IQSEC1: variants seen among roughly 807,000 people sequenced by gnomAD.
IQSEC1 encodes the protein IQ motif and Sec7 domain ArfGEF 1, also known as IQ motif and SEC7 domain-containing protein 1.
In IQSEC1, 31 loss-of-function variants were observed where a neutral mutation model predicts 91.0. That is an observed-to-expected ratio of 0.34 (90% CI 0.26 to 0.46). IQSEC1 has a LOEUF of 0.46. IQSEC1 is among the 20% of genes least tolerant of loss of function. IQSEC1 has a pLI of 1.00. For synonymous variants in IQSEC1, 699 were observed against 662.6 expected (o/e 1.05, Z -0.84); for missense variants, 1,388 against 1,575.6 (o/e 0.88, Z 2.02).
chr3:13,197,666 C>T (rs2125043946), intron 1 of IQSEC1, among the ~76,000 whole-genome samples: 1 of 152,336 alleles, frequency 6.6e-6, no homozygotes, highest in Admixed American at 6.5e-5. Context: ...AGCATCCCAC[C>T]TTACGACCAG....
At chr3:13,279,489 T>C (rs1233302216) in intron 1 of IQSEC1, among the ~76,000 whole-genome samples, 3 of 152,148 alleles carry the variant, frequency 2.0e-5, no homozygotes, top group Admixed American at 2.0e-4. Context: ...GGCTTAAAGG[T>C]TTCTGGACTT....
chr3:13,131,037 AAAGGAAGG>A (rs59204175), intron 2 of IQSEC1, among the ~76,000 whole-genome samples: 36 of 143,792 alleles, frequency 2.5e-4, no homozygotes, highest in Non-Finnish European at 3.0e-5. Flanking sequence ...GGAAGGAAGG[AAAGGAAGG>A]AAGGAAGGAA....
intron 1 of IQSEC1, among the ~76,000 whole-genome samples, chr3:13,043,853 G>A (rs1704383751): frequency 6.6e-6 from 1 of 152,320 alleles, no homozygotes; most frequent in South Asian, 2.1e-4. Flanking sequence ...TTGCAAAGCA[G>A]TGGTCACACT....
At chr3:12,902,385 G>A (rs2124997661) in intron 13 of IQSEC1, among the ~76,000 whole-genome samples, 1 of 151,560 alleles carries the variant, frequency 6.6e-6, no homozygotes, top group East Asian at 2.0e-4. Flanking sequence ...AGTGTGGAGG[G>A]TGAGTGGGAG....
intron 1 of IQSEC1, among the ~76,000 whole-genome samples, chr3:13,030,210 G>A (rs1268920042): frequency 1.3e-5 from 2 of 152,200 alleles, no homozygotes; most frequent in African/African-American, 4.8e-5. Flanking sequence ...CGATTCTCAT[G>A]CCTCAGCCTC....
intron 1 of IQSEC1, among the ~76,000 whole-genome samples, chr3:12,959,764 G>T (rs908030267): frequency 6.6e-6 from 1 of 152,168 alleles, no homozygotes; most frequent in Non-Finnish European, 1.5e-5. Flanking sequence ...CTCGAGCAAT[G>T]AAATAAAACT....
chr3:13,095,570 C>G (rs922919424), intron 2 of IQSEC1, among the ~76,000 whole-genome samples: 9 of 152,254 alleles, frequency 5.9e-5, no homozygotes, highest in East Asian at 3.9e-4. Flanking sequence ...GCCACTCCCC[C>G]CTCCTTTCCC....
intron 2 of IQSEC1, among the ~76,000 whole-genome samples, chr3:13,130,460 A>C (rs1191130639): frequency 6.6e-6 from 1 of 152,156 alleles, no homozygotes; most frequent in Non-Finnish European, 1.5e-5. Flanking sequence ...AATCCTTTTA[A>C]ATATATTGAG....
rs1055661104 is a variant in IQSEC1 at position 12,992,088 on chromosome 3, G to A, written c.24-50223C>T. 6.6e-6 allele frequency among the ~76,000 whole-genome samples: 1 copy of A among 152,196 alleles called. No homozygotes were observed. Among genetic ancestry groups the A allele is most frequent in the Non-Finnish European group, 1.5e-5 (1 of 67,976 alleles). On this transcript the variant is annotated intron_variant, in intron 1 of 13. Transcript: ENST00000613206. This position sits in a 1 kb window ranked among gnomAD's most constrained non-coding sequence, Gnocchi z 4.1. ...CTGCAGAGACCTCTGAGGGGACACCGAGTCCTCCGAGCATTCCCCAGGAAG... is the reference window on the plus strand; with the variant it reads ...CTGCAGAGACCTCTGAGGGGACACCAAGTCCTCCGAGCATTCCCCAGGAAG...
rs1472095269 is a variant in IQSEC1 at position 13,211,338 on chromosome 3, A to G, written c.273-47205T>C. Among the ~76,000 whole-genome samples the G allele has an allele frequency of 6.6e-6, 1 of 152,206 alleles. No individual in the cohort carries two copies. The highest frequency in any genetic ancestry group is 1.9e-4 in the East Asian group (1 of 5,194). ...TGTTGCTCCTGAACCCAGGACTTCTAATAGCGTGCCCATGAAATTTACTGA... is the reference window on the plus strand; with the variant it reads ...TGTTGCTCCTGAACCCAGGACTTCTGATAGCGTGCCCATGAAATTTACTGA... On this transcript the variant is annotated intron_variant, in intron 1 of 15. Transcript: ENST00000648114. The surrounding 1 kb of genome is among the most constrained non-coding windows in gnomAD (Gnocchi z 5.3).
At chr3:12,974,497 G>A (rs1701061277) in intron 1 of IQSEC1, among the ~76,000 whole-genome samples, 1 of 152,186 alleles carries the variant, frequency 6.6e-6, no homozygotes, top group Non-Finnish European at 1.5e-5. Flanking sequence ...CAAATCCAGG[G>A]GCAGGGCCCG....
chr3:13,004,805 C>T (rs1380418272), intron 1 of IQSEC1, among the ~76,000 whole-genome samples: 7 of 152,108 alleles, frequency 4.6e-5, no homozygotes, highest in Admixed American at 1.3e-4. Flanking sequence ...AACCCAGCAT[C>T]GGGCCAGCCA....
intron 1 of IQSEC1, among the ~76,000 whole-genome samples, chr3:13,035,066 C>T (rs1703985490): frequency 2.0e-5 from 3 of 152,244 alleles, no homozygotes; most frequent in Admixed American, 2.0e-4. Context: ...CAGGACAGGA[C>T]CTGAACTTGG....
Position 12,936,406 on chromosome 3 carries a change from T to A in IQSEC1, c.610A>T (p.Ser204Cys). 1 of 1,595,154 alleles carries A rather than the reference T, an allele frequency of 6.3e-7. No homozygotes were observed. The highest frequency in any genetic ancestry group is 8.6e-7 in the Non-Finnish European group (1 of 1,168,182). ...GGAGACTTGAGGGTGGTGGGCTCGC[T>A]GAGGTCACCACACTCAGGGGACACC... Reference protein sequence around the residue: ...ALVSPECGDLSEPTTLKSPAP... With the variant: ...ALVSPECGDLCEPTTLKSPAP... The change falls in exon 3 of 14, where the codon AGC becomes TGC. Residue 204 changes from serine (S) to cysteine (C), a missense_variant. This residue lies in a region of IQSEC1 where 1,059 missense variants were observed against 1,317.8 expected (regional missense o/e 0.80). Transcript: ENST00000613206.
intron 1 of IQSEC1, among the ~76,000 whole-genome samples, chr3:13,001,454 G>A (rs1438664441): frequency 6.6e-6 from 1 of 152,158 alleles, no homozygotes; most frequent in East Asian, 1.9e-4. Context: ...GCTCCATCAG[G>A]CCCCACCTTT....
At chr3:13,020,793 C>T (rs1007798652) in intron 1 of IQSEC1, among the ~76,000 whole-genome samples, 1 of 152,182 alleles carries the variant, frequency 6.6e-6, no homozygotes, top group African/African-American at 2.4e-5. Flanking sequence ...CTCAGCCTTC[C>T]GAGTAGCTGG....
intron 1 of IQSEC1, among the ~76,000 whole-genome samples, chr3:13,004,666 C>G (rs1220230241): frequency 2.0e-5 from 3 of 152,188 alleles, no homozygotes; most frequent in African/African-American, 7.2e-5. Context: ...CACTTTCCAC[C>G]AGCAAAGCTC....
chr3:13,054,277 C>T (rs1196786220), intron 1 of IQSEC1, among the ~76,000 whole-genome samples: 1 of 152,154 alleles, frequency 6.6e-6, no homozygotes. Context: ...TGGGTACACC[C>T]GGATGTCCAC....
At chr3:13,277,257 C>G (rs994184285) in intron 1 of IQSEC1, among the ~76,000 whole-genome samples, 1 of 152,096 alleles carries the variant, frequency 6.6e-6, no homozygotes, top group Non-Finnish European at 1.5e-5. Flanking sequence ...TGACTCCAGG[C>G]CCCTCCAACG....
Sources: gnomAD v4.1 joint callset for allele counts (sites outside exome capture counted in the v4.1 genomes callset) on GRCh38, gnomAD v4.1.1 for gene constraint, gnomAD v4.1.1 regional missense constraint, Gnocchi (gnomAD v3.1) non-coding constraint, MANE v1.5 for transcripts, NCBI Gene and HGNC (gene_info 2026-07-23, HGNC 2026-07-21) for gene names.